BTBD9: variants seen among roughly 807,000 people sequenced by gnomAD.
BTBD9 encodes BTB domain containing 9, also known as BTB/POZ domain-containing protein 9.
In BTBD9, 49 loss-of-function variants were observed where a neutral mutation model predicts 64.3. That is an observed-to-expected ratio of 0.76 (90% CI 0.61 to 0.97). The LOEUF (loss-of-function observed/expected upper bound fraction) is 0.97, where lower values mean the gene tolerates loss of function less well. Ranked by LOEUF, BTBD9 falls within the 50% of genes least tolerant of loss-of-function variation. BTBD9 has a pLI of 0.00. For synonymous variants in BTBD9, 260 were observed against 274.7 expected, an observed-to-expected ratio of 0.95 and a Z score of 0.53; for missense variants, 598 against 762.1, an observed-to-expected ratio of 0.78 and a Z score of 2.53.
chr6:38,392,405 T>C, intron 6 of BTBD9, among the ~76,000 whole-genome samples: 1 of 152,026 alleles, frequency 6.6e-6, no homozygotes, highest in East Asian at 1.9e-4. Flanking sequence ...AATGAGTGAG[T>C]CCCTCATTCC....
At chr6:38,486,222 T>C (rs1028940579) in intron 6 of BTBD9, among the ~76,000 whole-genome samples, 3 of 152,228 alleles carry the variant, frequency 2.0e-5, no homozygotes, top group Non-Finnish European at 4.4e-5. Context: ...GGTTTGGTCT[T>C]CTATCCATAC....
At chr6:38,504,567 G>A (rs548871649) in intron 6 of BTBD9, 10 of 456,542 alleles carry the variant, frequency 2.2e-5, no homozygotes, top group Admixed American at 9.4e-5. Flanking sequence ...CATAAACTGC[G>A]GGTGAAATGT....
intron 6 of BTBD9, among the ~76,000 whole-genome samples, chr6:38,510,731 T>C (rs1457981816): frequency 6.6e-6 from 1 of 152,202 alleles, no homozygotes; most frequent in East Asian, 1.9e-4. Context: ...TATTAAATAC[T>C]AAGACATAAA....
At chr6:38,480,379 T>C (rs138632163) in intron 6 of BTBD9, among the ~76,000 whole-genome samples, 12 of 152,282 alleles carry the variant, frequency 7.9e-5, no homozygotes, top group Admixed American at 7.2e-4. Context: ...CTGCCATTCC[T>C]GGAGTTAAGG....
chr6:38,436,397 C>T (rs1037024784), intron 6 of BTBD9, among the ~76,000 whole-genome samples: 1 of 102,258 alleles, frequency 9.8e-6, no homozygotes. Context: ...TTTTTTGAGA[C>T]GGAGTTTCAC....
intron 6 of BTBD9, among the ~76,000 whole-genome samples, chr6:38,453,101 C>A (rs1474314180): frequency 1.3e-5 from 2 of 152,066 alleles, no homozygotes; most frequent in African/African-American, 2.4e-5. Flanking sequence ...AGACCACAGA[C>A]AATAGTTTGA....
intron 6 of BTBD9, among the ~76,000 whole-genome samples, chr6:38,545,179 C>T (rs544254011): frequency 1.3e-5 from 2 of 151,868 alleles, no homozygotes; most frequent in Non-Finnish European, 2.9e-5. Flanking sequence ...GCAACCTCCG[C>T]CTCCCGGGTT....
chr6:38,195,592 G>A (rs1762250288), intron 9 of BTBD9, among the ~76,000 whole-genome samples: 3 of 152,114 alleles, frequency 2.0e-5, no homozygotes, highest in East Asian at 1.9e-4. Context: ...TGGATGAACC[G>A]TTACCCTCTC....
intron 8 of BTBD9, among the ~76,000 whole-genome samples, chr6:38,284,217 T>C (rs768118800): frequency 2.0e-5 from 3 of 152,020 alleles, no homozygotes; most frequent in Non-Finnish European, 2.9e-5. Context: ...CTTAAGGAAG[T>C]TGGAGGCTTC....
At chr6:38,441,367 T>G (rs1247258090) in intron 6 of BTBD9, among the ~76,000 whole-genome samples, 2 of 151,960 alleles carry the variant, frequency 1.3e-5, no homozygotes, top group Non-Finnish European at 2.9e-5. Flanking sequence ...GAATACAGAA[T>G]CCTATATGAG....
intron 8 of BTBD9, 64 bp from the exon 9 acceptor site, chr6:38,256,580 G>A (rs768474485): frequency 2.6e-5 from 31 of 1,182,112 alleles, no homozygotes; most frequent in Non-Finnish European, 3.5e-5. Context: ...TTTAGGTTGT[G>A]GGCATATCCC....
chr6:38,192,704 G>T, intron 9 of BTBD9, 107 bp from the exon 10 acceptor site: 1 of 954,238 alleles, frequency 1.0e-6, no homozygotes, highest in East Asian at 2.4e-5. Context: ...CCTGTCCTCG[G>T]AGACCTGCAC....
intron 1 of BTBD9, among the ~76,000 whole-genome samples, chr6:38,624,641 A>T (rs1170910243): frequency 6.6e-6 from 1 of 152,098 alleles, no homozygotes; most frequent in Non-Finnish European, 1.5e-5. Flanking sequence ...TATGCAACAG[A>T]ATGGTACACA....
chr6:38,286,175 C>T (rs1350600028), intron 8 of BTBD9, among the ~76,000 whole-genome samples: 1 of 152,128 alleles, frequency 6.6e-6, no homozygotes, highest in African/African-American at 2.4e-5. Context: ...TGGTACTCAG[C>T]CTGTAATGTG....
chr6:38,448,308 G>C lies in BTBD9; in HGVS notation c.1155-103215C>G, dbSNP rs138466610. Among the ~76,000 whole-genome samples, 4 of 152,250 alleles carry C rather than the reference G, an allele frequency of 2.6e-5. 1 individual carries two copies. Among genetic ancestry groups the C allele is most frequent in the African/African-American group, 9.6e-5 (4 of 41,538 alleles). ...AAAGGTAAAAGAAAGAGAAGGAGAG[G>C]GGAGAAAGAATGCAATGTAAGAGGG... On this transcript the variant is annotated intron_variant, in intron 6 of 10. Coordinates refer to ENST00000481247, the MANE Select transcript of BTBD9 (RefSeq NM_001099272.2).
intron 6 of BTBD9, among the ~76,000 whole-genome samples, chr6:38,568,959 A>G (rs2127463704): frequency 6.6e-6 from 1 of 152,334 alleles, no homozygotes; most frequent in South Asian, 2.1e-4. Context: ...GAAAGAGAAG[A>G]TTGTCATTTA....
At chr6:38,175,754 C>T (rs1054745891) in intron 10 of BTBD9, among the ~76,000 whole-genome samples, 6 of 152,286 alleles carry the variant, frequency 3.9e-5, no homozygotes, top group Middle Eastern at 3.4e-3. Context: ...TGTGTGTGAG[C>T]GTGCCCTGCA....
chr6:38,460,341 T>C (rs1360016588), intron 6 of BTBD9, among the ~76,000 whole-genome samples: 1 of 152,236 alleles, frequency 6.6e-6, no homozygotes, highest in Non-Finnish European at 1.5e-5. Flanking sequence ...CTGCCCCTTA[T>C]GTCATTTCTA....
At chr6:38,309,405 C>A (rs566068317) in intron 7 of BTBD9, among the ~76,000 whole-genome samples, 3 of 151,280 alleles carry the variant, frequency 2.0e-5, no homozygotes, top group Non-Finnish European at 4.4e-5. Flanking sequence ...AAAAAAACCA[C>A]GAAAAAGTGG....
Sources: allele counts gnomAD v4.1 joint callset (sites outside exome capture counted in the v4.1 genomes callset), GRCh38; gene constraint gnomAD v4.1.1; transcripts MANE v1.5; gene names NCBI Gene and HGNC (gene_info 2026-07-23, HGNC 2026-07-21).